The following CLN8 variants were observed in gnomAD, a reference collection of about 807,000 sequenced individuals.
CLN8 encodes the protein CLN8 transmembrane ER and ERGIC protein, also known as protein CLN8.
In CLN8, 14 loss-of-function variants were observed where a neutral mutation model predicts 15.7. The observed-to-expected ratio is 0.89, with a 90% CI of 0.59 to 1.39. The LOEUF (loss-of-function observed/expected upper bound fraction) is 1.39, where lower values mean the gene tolerates loss of function less well. Among genes scored for constraint, CLN8 ranks in the 40% most tolerant of loss-of-function variants. The pLI is 0.00. For missense variants in CLN8, 415 were observed against 364.0 expected, an observed-to-expected ratio of 1.14 and a Z score of -1.14; for synonymous variants, 188 against 151.0, an observed-to-expected ratio of 1.25 and a Z score of -1.80.
intron 2 of CLN8, among the ~76,000 whole-genome samples, chr8:1,772,101 A>C (rs1801334087): frequency 6.6e-6 from 1 of 151,688 alleles, no homozygotes; most frequent in African/African-American, 2.4e-5. Flanking sequence ...ACACCTGGCT[A>C]CCTTTTTTGT....
rs113178694 is a variant in CLN8, at chr8:1,765,494, T to C, written c.-124+1609T>C. Among the ~76,000 whole-genome samples, 1,191 of 152,356 alleles carry C rather than the reference T, an allele frequency of 7.8e-3. 27 individuals carry two copies. The highest frequency in any genetic ancestry group is 0.027 in the African/African-American group (1,133 of 41,578). On this transcript the variant is annotated intron_variant, in intron 1 of 2. Transcript: ENST00000331222. ...TTGTGTATTAAACATGTATTTCTGT[T>C]GATTTTGGAAAACATTTTTACAACC...
At chr8:1,777,619 C>G (rs1294220513) in intron 2 of CLN8, among the ~76,000 whole-genome samples, 1 of 151,844 alleles carries the variant, frequency 6.6e-6, no homozygotes, top group Non-Finnish European at 1.5e-5. Flanking sequence ...ATTTTCGAAA[C>G]TTTTTTTTAA....
chr8:1,775,728 A>C (rs1379761059), intron 2 of CLN8, among the ~76,000 whole-genome samples: 3 of 152,156 alleles, frequency 2.0e-5, no homozygotes, highest in African/African-American at 7.2e-5. Context: ...ACAGTTCATC[A>C]CTGTGTGGGG....
chr8:1,781,491 C>G lies in CLN8; in HGVS notation c.*924C>G, dbSNP rs1430819389. 6.6e-6 allele frequency: 1 copy of G among 151,900 alleles called. No homozygotes were observed. Among genetic ancestry groups the G allele is most frequent in the Admixed American group, 6.6e-5 (1 of 15,254 alleles). The allele number at this position is 151,900 out of a possible 1,614,324, so 9.4% of individuals were successfully genotyped here. A position where few individuals can be genotyped will look rare whatever the true frequency, so the allele number is the denominator to read the frequency against. On this transcript the variant is annotated 3_prime_UTR_variant, in exon 3 of 3. Transcript: ENST00000331222. ...CAGCAGAGACGCCTTGGAGTTTAAC[C>G]CCCACCAACCAGAGCGTGGGCTGGT...
intron 2 of CLN8, among the ~76,000 whole-genome samples, chr8:1,774,926 A>G (rs1459108398): frequency 1.3e-5 from 2 of 152,178 alleles, no homozygotes; most frequent in African/African-American, 4.8e-5. Flanking sequence ...GGTTACAGTG[A>G]GCTGTGATTA....
chr8:1,757,438 T>A (rs1293929385), intron 1 of CLN8, among the ~76,000 whole-genome samples: 2 of 152,140 alleles, frequency 1.3e-5, no homozygotes, highest in Admixed American at 6.5e-5. Flanking sequence ...AGGCACTTTT[T>A]TTGGTTTTGT....
In CLN8 at chr8:1,771,316, G is replaced by A. The variant is rs779366141; in HGVS notation, c.262G>A (p.Asp88Asn). The change falls in exon 2 of 3, where the codon GAC becomes AAC. Residue 88 changes from aspartate (D) to asparagine (N), a missense_variant. Transcript: ENST00000331222. ...CGCAGGCCTGTGGGCTCTGCTGGGG[G>A]ACCCTGTGCTGCATGCCGACAAGGC... is the stretch of plus-strand genomic sequence containing the variant. ...TAAGLWALLGDPVLHADKARG... is the reference protein window; with the variant it reads ...TAAGLWALLGNPVLHADKARG... The A allele has an allele frequency of 3.1e-6, 5 of 1,614,212 alleles. No homozygotes were observed. The highest frequency in any genetic ancestry group is 2.2e-5 in the East Asian group (1 of 44,882).
At chr8:1,779,971 A>G in intron 2 of CLN8, 1 of 985,470 alleles carries the variant, frequency 1.0e-6, no homozygotes, top group African/African-American at 1.7e-5. Context: ...GGTTGAATTT[A>G]TCATAGCTTT....
chr8:1,756,567 T>A (rs188657052), intron 1 of CLN8, among the ~76,000 whole-genome samples: 2 of 151,996 alleles, frequency 1.3e-5, no homozygotes, highest in Non-Finnish European at 2.9e-5. Flanking sequence ...TGCTGTATGT[T>A]TGGGGGAGAG....
In CLN8 at chr8:1,785,264, C is replaced by A. The variant is rs865843802; in HGVS notation, c.*4697C>A. On this transcript the variant is annotated 3_prime_UTR_variant, in exon 3 of 3. Coordinates refer to ENST00000331222, the MANE Select transcript of CLN8 (RefSeq NM_018941.4). Reference sequence around the variant, plus strand: ...GTGCTCTGTCCTACGGTGACACAGGCGGCGTGGGGTTAGACAGGTACCGGT... The same window carrying A: ...GTGCTCTGTCCTACGGTGACACAGGAGGCGTGGGGTTAGACAGGTACCGGT... The A allele has an allele frequency of 5.5e-6, 1 of 183,076 alleles. No homozygotes were observed. Among genetic ancestry groups the A allele is most frequent in the Non-Finnish European group, 1.2e-5 (1 of 83,920 alleles). The allele number at this position is 183,076 out of a possible 1,614,324, so 11.3% of individuals were successfully genotyped here.
Position 1,763,812 on chromosome 8 carries a change from G to A in CLN8, c.-197G>A, listed in dbSNP as rs1040089183. ...CCAGTCGTGACTGGGCGGCAATGAG[G>A]TCAGTGACTGCCGGGAGTCCTGCAG... On this transcript the variant is annotated 5_prime_UTR_variant, in exon 1 of 3. Transcript: ENST00000331222. 4.0e-5 allele frequency: 6 copies of A among 151,230 alleles called. No homozygotes were observed. In the East Asian group the frequency reaches 6.0e-4, roughly 15 times the overall value. The allele number at this position is 151,230 out of a possible 1,614,324, so 9.4% of individuals were successfully genotyped here.
intron 2 of CLN8, chr8:1,773,854 A>G (rs1158643072): frequency 1.3e-5 from 2 of 152,204 alleles, no homozygotes; most frequent in Non-Finnish European, 2.9e-5. Flanking sequence ...AGAGGCGCTC[A>G]CTCACATCGA....
chr8:1,756,346 TA>T (rs1035069127), intron 1 of CLN8, among the ~76,000 whole-genome samples: 4 of 151,802 alleles, frequency 2.6e-5, no homozygotes, highest in African/African-American at 9.7e-5. Flanking sequence ...TAGCCGGGTG[TA>T]GTGGTATGTA....
intron 2 of CLN8, among the ~76,000 whole-genome samples, chr8:1,772,702 A>G (rs1801364250): frequency 6.6e-6 from 1 of 150,794 alleles, no homozygotes; most frequent in South Asian, 2.1e-4. Context: ...CTGGTCTTGA[A>G]CTCCTGACCT....
At chr8:1,765,471 G>C (rs1227876253) in intron 1 of CLN8, among the ~76,000 whole-genome samples, 8 of 152,138 alleles carry the variant, frequency 5.3e-5, no homozygotes, top group Non-Finnish European at 1.2e-4. Context: ...TCTGAATTTT[G>C]TGTATTAAAC....
chr8:1,765,496 A>C (rs1457002794), intron 1 of CLN8, among the ~76,000 whole-genome samples: 1 of 152,112 alleles, frequency 6.6e-6, no homozygotes, highest in African/African-American at 2.4e-5. Flanking sequence ...ATTTCTGTTG[A>C]TTTTGGAAAA....
At chr8:1,755,239 A>T (rs956662559), upstream of CLN8, among the ~76,000 whole-genome samples, 1 of 152,218 alleles carries the variant, frequency 6.6e-6, no homozygotes, top group Non-Finnish European at 1.5e-5. Flanking sequence ...ATAGACTAAC[A>T]GATGGGTTAG....
intron 1 of CLN8, chr8:1,758,482 C>T (rs1800722262): frequency 6.6e-6 from 1 of 152,196 alleles, no homozygotes; most frequent in Non-Finnish European, 1.5e-5. Context: ...ACAGAAGTTA[C>T]AGGCAGAAAA....
chr8:1,761,401 T>C (rs1405103080), upstream of CLN8, among the ~76,000 whole-genome samples: 1 of 152,228 alleles, frequency 6.6e-6, no homozygotes, highest in Non-Finnish European at 1.5e-5. Flanking sequence ...TTCAGCACAC[T>C]GCAACCTCCG....
Sources: allele counts gnomAD v4.1 joint callset (sites outside exome capture counted in the v4.1 genomes callset), GRCh38; gene constraint gnomAD v4.1.1; transcripts MANE v1.5; gene names NCBI Gene and HGNC (gene_info 2026-07-23, HGNC 2026-07-21).